EDIL3: variants seen among roughly 807,000 people sequenced by gnomAD.
The protein encoded by EDIL3 is EGF-like repeat and discoidin I-like domain-containing protein 3.
In EDIL3, 37 loss-of-function variants were observed where a neutral mutation model predicts 67.4. The ratio of observed to expected loss-of-function variants is 0.55; its 90% CI spans 0.42 to 0.72. The LOEUF (loss-of-function observed/expected upper bound fraction) is 0.72, where lower values mean the gene tolerates loss of function less well. Among genes scored for constraint, EDIL3 ranks in the 30% least tolerant of loss-of-function variants. The pLI is 0.00. For missense variants in EDIL3, 527 were observed against 586.3 expected, an observed-to-expected ratio of 0.90 and a Z score of 1.04; for synonymous variants, 195 against 196.3, an observed-to-expected ratio of 0.99 and a Z score of 0.05.
chr5:83,981,407 C>T (rs1259499766), intron 9 of EDIL3, among the ~76,000 whole-genome samples: 1 of 151,878 alleles, frequency 6.6e-6, no homozygotes, highest in East Asian at 1.9e-4. Flanking sequence ...TTATATCATT[C>T]TCTGTGTATG....
At chr5:84,084,368 G>T (rs879557351) in intron 6 of EDIL3, among the ~76,000 whole-genome samples, 4 of 151,734 alleles carry the variant, frequency 2.6e-5, no homozygotes, top group African/African-American at 7.3e-5. Context: ...TTTATTTTTT[G>T]ATTTCATTAC....
chr5:84,127,309 T>A (rs1747885535), intron 5 of EDIL3, among the ~76,000 whole-genome samples: 1 of 152,124 alleles, frequency 6.6e-6, no homozygotes, highest in Non-Finnish European at 1.5e-5. Context: ...CAAGTTCAAT[T>A]TATTTTTAAG....
intron 1 of EDIL3, among the ~76,000 whole-genome samples, chr5:84,333,547 A>G (rs1261062157): frequency 6.6e-6 from 1 of 152,164 alleles, no homozygotes; most frequent in Non-Finnish European, 1.5e-5. Flanking sequence ...AGTAATAAAT[A>G]ACAGGAGACG....
intron 4 of EDIL3, among the ~76,000 whole-genome samples, chr5:84,172,573 C>A (rs1297880315): frequency 1.3e-5 from 2 of 151,496 alleles, no homozygotes; most frequent in East Asian, 1.9e-4. Context: ...CAGAGTGAGA[C>A]CTTGTCTCAA....
chr5:84,073,349 C>T (rs1746781073), intron 6 of EDIL3, among the ~76,000 whole-genome samples: 1 of 151,948 alleles, frequency 6.6e-6, no homozygotes, highest in Non-Finnish European at 1.5e-5. Context: ...CTGGCCAGGG[C>T]AATTAGGAAG....
intron 6 of EDIL3, among the ~76,000 whole-genome samples, chr5:84,076,331 T>C (rs1302669135): frequency 1.3e-5 from 2 of 152,190 alleles, no homozygotes; most frequent in African/African-American, 2.4e-5. Flanking sequence ...TTTGATACCA[T>C]ACCAAAACTT....
intron 9 of EDIL3, among the ~76,000 whole-genome samples, chr5:83,989,115 C>T (rs1472268998): frequency 1.3e-5 from 2 of 152,072 alleles, no homozygotes; most frequent in Admixed American, 1.3e-4. Context: ...TGAATAAATC[C>T]CTAGAAGTGG....
chr5:84,354,032 T>C (rs1363770837), intron 1 of EDIL3, among the ~76,000 whole-genome samples: 1 of 152,194 alleles, frequency 6.6e-6, no homozygotes, highest in Non-Finnish European at 1.5e-5. Flanking sequence ...TTCATAACTC[T>C]AGGCATGTGG....
At chr5:84,074,303 C>T (rs1395447271) in intron 6 of EDIL3, among the ~76,000 whole-genome samples, 1 of 150,914 alleles carries the variant, frequency 6.6e-6, no homozygotes, top group African/African-American at 2.4e-5. Context: ...GACTTCATGT[C>T]TAAAACACCA....
chr5:84,206,041 T>C (rs1743971049), intron 3 of EDIL3, among the ~76,000 whole-genome samples: 2 of 151,892 alleles, frequency 1.3e-5, no homozygotes, highest in African/African-American at 4.8e-5. Context: ...CTTTCTCTTG[T>C]GGGCATTTAG....
At chr5:84,380,862 C>T (rs1298155942) in intron 1 of EDIL3, among the ~76,000 whole-genome samples, 1 of 151,848 alleles carries the variant, frequency 6.6e-6, no homozygotes, top group African/African-American at 2.4e-5. Flanking sequence ...ATATCTTATT[C>T]CTTCCCTTTA....
At chr5:84,015,954 G>T (rs1270006606) in intron 9 of EDIL3, among the ~76,000 whole-genome samples, 1 of 151,990 alleles carries the variant, frequency 6.6e-6, no homozygotes, top group Non-Finnish European at 1.5e-5. Flanking sequence ...CAACTTACTG[G>T]CATGGGGGTC....
intron 1 of EDIL3, among the ~76,000 whole-genome samples, chr5:84,295,454 A>G (rs1395033430): frequency 6.6e-6 from 1 of 151,978 alleles, no homozygotes; most frequent in Non-Finnish European, 1.5e-5. Context: ...GAGTATTAAT[A>G]CCCATGATAA....
chr5:84,245,182 C>A (rs867056078), intron 2 of EDIL3, among the ~76,000 whole-genome samples: 14 of 152,114 alleles, frequency 9.2e-5, no homozygotes, highest in African/African-American at 3.4e-4. Context: ...TTCTAGTTTA[C>A]CCTTTTTTAA....
intron 1 of EDIL3, among the ~76,000 whole-genome samples, chr5:84,284,857 A>C (rs1184813557): frequency 1.3e-5 from 2 of 152,124 alleles, no homozygotes; most frequent in African/African-American, 4.8e-5. Context: ...TACTTCTTAA[A>C]ATGCATTTTT....
At chr5:84,312,084 C>T (rs1231102886) in intron 1 of EDIL3, among the ~76,000 whole-genome samples, 5 of 152,140 alleles carry the variant, frequency 3.3e-5, no homozygotes, top group Non-Finnish European at 1.5e-5. Flanking sequence ...GTACACCTCC[C>T]AGACGGGGTG....
intron 9 of EDIL3, among the ~76,000 whole-genome samples, chr5:84,052,049 C>A (rs1746349402): frequency 6.6e-6 from 1 of 152,206 alleles, no homozygotes; most frequent in Non-Finnish European, 1.5e-5. Context: ...ACGTTAAGGG[C>A]AGCCAGAGAG....
intron 9 of EDIL3, among the ~76,000 whole-genome samples, chr5:83,986,172 T>A (rs1393532598): frequency 6.6e-6 from 1 of 152,078 alleles, no homozygotes; most frequent in Non-Finnish European, 1.5e-5. Context: ...ACTTCAACAA[T>A]AAAAGTTAAA....
chr5:84,055,020 A>C (rs1283323996), intron 9 of EDIL3, among the ~76,000 whole-genome samples: 4 of 146,448 alleles, frequency 2.7e-5, no homozygotes, highest in Admixed American at 2.0e-4. Context: ...AAGCCAAAAG[A>C]ACAAAGCTGG....
Sources: gnomAD v4.1 joint callset for allele counts (sites outside exome capture counted in the v4.1 genomes callset) on GRCh38, gnomAD v4.1.1 for gene constraint, MANE v1.5 for transcripts, NCBI Gene and HGNC (gene_info 2026-07-23, HGNC 2026-07-21) for gene names.